USP40: variants seen among roughly 807,000 people sequenced by gnomAD.
USP40 encodes ubiquitin specific peptidase 40.
Under a neutral mutation model 166.2 loss-of-function variants are expected in USP40, and 143 were observed. That is an observed-to-expected ratio of 0.86 (90% CI 0.75 to 0.99). The LOEUF (loss-of-function observed/expected upper bound fraction) is 0.99. USP40 is among the 50% of genes least tolerant of loss of function. USP40 has a pLI of 0.00. For synonymous variants in USP40, 498 were observed against 524.0 expected, an observed-to-expected ratio of 0.95 and a Z score of 0.68; for missense variants, 1,444 against 1,479.7, an observed-to-expected ratio of 0.98 and a Z score of 0.40.
At chr2:233,523,590 T>C in intron 15 of USP40, 101 bp from the exon 16 acceptor site, 2 of 1,153,134 alleles carry the variant, frequency 1.7e-6, no homozygotes, top group Non-Finnish European at 2.4e-6. Flanking sequence ...CCTCATTTTT[T>C]CCAAGTAAAA....
At chr2:233,485,999 C>T (rs1343489562) in intron 28 of USP40, 22 bp from the exon 29 acceptor site, 11 of 1,548,892 alleles carry the variant, frequency 7.1e-6, no homozygotes, top group South Asian at 1.2e-5. Context: ...AACCGTCAAG[C>T]GCCAGATCCA....
At chr2:233,499,414 G>A (rs1001190672) in intron 22 of USP40, among the ~76,000 whole-genome samples, 23 of 152,142 alleles carry the variant, frequency 1.5e-4, no homozygotes, top group Admixed American at 4.6e-4. Context: ...TATTACTGAT[G>A]GGCATTTGGG....
Position 233,566,772 on chromosome 2 carries a change from C to G in USP40, c.-108G>C, listed in dbSNP as rs751617183. Reference sequence around the variant, plus strand: ...CGCCGCCATGTTGGCGAGGGCGGGTCTCCAGAAAGTGATTTATGGATCGTG... The same window carrying G: ...CGCCGCCATGTTGGCGAGGGCGGGTGTCCAGAAAGTGATTTATGGATCGTG... On this transcript the variant is annotated 5_prime_UTR_variant, in exon 1 of 32. Transcript: ENST00000678225. The G allele has an allele frequency of 8.4e-5, 83 of 985,858 alleles. No homozygotes were observed. The highest frequency in any genetic ancestry group is 1.0e-3 in the Middle Eastern group (2 of 1,936). The allele number at this position is 985,858 out of a possible 1,614,324, so 61.1% of individuals were successfully genotyped here.
intron 30 of USP40, among the ~76,000 whole-genome samples, chr2:233,485,229 A>T (rs1349938777): frequency 6.6e-5 from 10 of 152,204 alleles, no homozygotes; most frequent in African/African-American, 1.9e-4. Flanking sequence ...GTCACACAGT[A>T]GTGTTTTTAA....
intron 7 of USP40, among the ~76,000 whole-genome samples, 194 bp from the exon 8 acceptor site, chr2:233,549,423 ACAC>A (rs1383684241): frequency 6.6e-6 from 1 of 152,124 alleles, no homozygotes; most frequent in African/African-American, 2.4e-5. Flanking sequence ...CAGTCACACT[ACAC>A]CAATCAAATT....
chr2:233,494,960 A>ATATATATT lies in USP40; in HGVS notation c.2791-1410_2791-1409insAATATATA, dbSNP rs2065636566. Among the ~76,000 whole-genome samples, 43 of 61,720 alleles carry ATATATATT rather than the reference A, an allele frequency of 7.0e-4. 1 individual carries two copies. The highest frequency in any genetic ancestry group is 2.9e-3 in the African/African-American group (33 of 11,276). 40.5% of individuals were successfully genotyped at this position (61,720 alleles called of 152,430 possible). A position where few individuals can be genotyped will look rare whatever the true frequency, so the allele number is the denominator to read the frequency against. On this transcript the variant is annotated intron_variant, in intron 24 of 31. Transcript: ENST00000678225. ...TATATATATATATATATATATTTAT[A>ATATATATT]TATATATATATATATATATACACAC...
intron 10 of USP40, among the ~76,000 whole-genome samples, chr2:233,534,696 T>A (rs957255118): frequency 1.3e-5 from 2 of 152,224 alleles, no homozygotes. Context: ...GCCTTGCAGC[T>A]AGTTTGTTTA....
At chr2:233,488,420 A>T in intron 27 of USP40, 116 bp from the exon 28 acceptor site, 1 of 922,778 alleles carries the variant, frequency 1.1e-6, no homozygotes, top group African/African-American at 1.7e-5. Flanking sequence ...CTGAGTACTT[A>T]TAAGAACACC....
At chr2:233,501,283 G>A (rs534415513) in intron 21 of USP40, among the ~76,000 whole-genome samples, 50 of 152,290 alleles carry the variant, frequency 3.3e-4, no homozygotes, top group Non-Finnish European at 6.3e-4. Context: ...AGCACAGTGA[G>A]TAAGAGGGGG....
At chr2:233,551,276 G>T (rs2070527144) in intron 7 of USP40, 100 bp downstream of exon 7, 4 of 1,297,588 alleles carry the variant, frequency 3.1e-6, no homozygotes, top group African/African-American at 3.0e-5. Flanking sequence ...TGGTGCCAAG[G>T]TTTAGAGATT....
At chr2:233,545,450 C>A (rs1287154475) in intron 8 of USP40, 1 of 152,252 alleles carries the variant, frequency 6.6e-6, no homozygotes, top group African/African-American at 2.4e-5. Context: ...TGTCATGGAG[C>A]CTTCTTTGCC....
At chr2:233,549,045 T>A (rs547704126) in intron 8 of USP40, 56 bp downstream of exon 8, 1 of 1,501,420 alleles carries the variant, frequency 6.7e-7, no homozygotes, top group African/African-American at 1.4e-5. Context: ...CTCAACAAAA[T>A]AATAGGAATA....
chr2:233,553,084 GAGA>G (rs2070734122), intron 6 of USP40, among the ~76,000 whole-genome samples: 1 of 109,538 alleles, frequency 9.1e-6, no homozygotes, highest in African/African-American at 3.4e-5. Context: ...GGAAGGGACA[GAGA>G]AGGTTAGAGA....
chr2:233,487,846 G>T (rs2065044280), intron 28 of USP40: 1 of 454,684 alleles, frequency 2.2e-6, no homozygotes. Context: ...AGTAAGTACA[G>T]ATATGTCAGG....
At chr2:233,549,734 A>G (rs1575333724) in intron 7 of USP40, among the ~76,000 whole-genome samples, 1 of 151,954 alleles carries the variant, frequency 6.6e-6, no homozygotes, top group Non-Finnish European at 1.5e-5. Flanking sequence ...ATCAACTATC[A>G]CCCCTCCTGA....
rs924727193 is a variant in USP40, at chr2:233,489,228, C to A, written c.3131+137G>T. 9 of 787,284 alleles carry A rather than the reference C, an allele frequency of 1.1e-5. No homozygotes were observed. The South Asian group carries it at 1.4e-4, about 12-fold the overall frequency. The allele number at this position is 787,284 out of a possible 1,614,324, so 48.8% of individuals were successfully genotyped here. ...GGAGTTTATGATGAAAAGTGTCACC[C>A]AAGTCACAAGCGTGGCATGACCAGG... is the stretch of plus-strand genomic sequence containing the variant. On this transcript the variant is annotated intron_variant, in intron 27 of 31. Coordinates refer to ENST00000678225, the MANE Select transcript of USP40 (RefSeq NM_001365479.2).
intron 10 of USP40, among the ~76,000 whole-genome samples, chr2:233,539,634 T>C (rs2125306409): frequency 6.6e-6 from 1 of 152,114 alleles, no homozygotes; most frequent in East Asian, 1.9e-4. Context: ...ATCAACAATA[T>C]AATTTGTTGA....
At chr2:233,538,345 T>C (rs1306804872) in intron 10 of USP40, among the ~76,000 whole-genome samples, 1 of 152,144 alleles carries the variant, frequency 6.6e-6, no homozygotes, top group Non-Finnish European at 1.5e-5. Context: ...TGTCAAACTC[T>C]CTGTCATTTG....
At chr2:233,565,656 T>C (rs1303535798) in intron 1 of USP40, 83 bp from the exon 2 acceptor site, 3 of 1,189,874 alleles carry the variant, frequency 2.5e-6, no homozygotes, top group Non-Finnish European at 3.5e-6. Flanking sequence ...GGGAGTCGAT[T>C]CTGTTGTTTC....
Sources: gnomAD v4.1 joint callset for allele counts (sites outside exome capture counted in the v4.1 genomes callset) on GRCh38, gnomAD v4.1.1 for gene constraint, MANE v1.5 for transcripts, NCBI Gene and HGNC (gene_info 2026-07-23, HGNC 2026-07-21) for gene names.